The following EYS variants were observed in gnomAD, a reference collection of about 807,000 sequenced individuals.
EYS encodes the protein protein eyes shut homolog.
Under a neutral mutation model 282.1 loss-of-function variants are expected in EYS, and 250 were observed. That is an observed-to-expected ratio of 0.89 (90% CI 0.80 to 0.98). The LOEUF is 0.98. Among genes scored for constraint, EYS ranks in the 50% least tolerant of loss-of-function variants. The probability of loss-of-function intolerance (pLI) is 0.00; values close to 1 mark genes in which losing one functional copy is unlikely to be tolerated. For synonymous variants in EYS, 1,355 were observed against 1,282.9 expected (o/e 1.06, Z -1.20); for missense variants, 4,016 against 3,709.0 (o/e 1.08, Z -2.15).
At chr6:65,546,779 C>T (rs534839637) in intron 2 of EYS, among the ~76,000 whole-genome samples, 79 of 152,114 alleles carry the variant, frequency 5.2e-4, no homozygotes, top group Middle Eastern at 6.8e-3. Flanking sequence ...CCCTGTTGGC[C>T]GGGGCGGTCT....
intron 2 of EYS, among the ~76,000 whole-genome samples, chr6:65,573,306 A>C (rs1764545735): frequency 6.6e-6 from 1 of 152,188 alleles, no homozygotes; most frequent in Non-Finnish European, 1.5e-5. Flanking sequence ...AGATGTCAGT[A>C]CAAGCAAAGA....
chr6:64,749,612 A>C (rs1163222210), intron 22 of EYS, among the ~76,000 whole-genome samples: 3 of 152,228 alleles, frequency 2.0e-5, no homozygotes, highest in African/African-American at 7.2e-5. Context: ...TTCTAAAAAA[A>C]AACATTTTAG....
chr6:64,328,200 T>C (rs1770501617), intron 29 of EYS, among the ~76,000 whole-genome samples: 1 of 152,204 alleles, frequency 6.6e-6, no homozygotes, highest in Admixed American at 6.5e-5. Flanking sequence ...CTGGGCTGAT[T>C]GCAAACAACT....
intron 12 of EYS, among the ~76,000 whole-genome samples, chr6:65,202,968 A>G (rs1562020119): frequency 6.6e-6 from 1 of 152,158 alleles, no homozygotes; most frequent in Non-Finnish European, 1.5e-5. Context: ...CCTGCCTCAG[A>G]GAGCCTGGCT....
At chr6:64,821,215 T>C (rs547307809) in intron 21 of EYS, among the ~76,000 whole-genome samples, 3 of 152,152 alleles carry the variant, frequency 2.0e-5, no homozygotes, top group Admixed American at 6.6e-5. Flanking sequence ...TCTTGATATA[T>C]GCATCCAGTA....
chr6:64,218,744 T>C (rs1353571590), intron 31 of EYS, among the ~76,000 whole-genome samples: 1 of 152,180 alleles, frequency 6.6e-6, no homozygotes, highest in African/African-American at 2.4e-5. Flanking sequence ...TGGGAGAATC[T>C]TGAAAGCAGT....
Position 64,923,561 on chromosome 6 carries a change from G to T in EYS, c.2382-10818C>A, listed in dbSNP as rs958134719. ...AACTCATTTCAGCATTAACTCAAAAGTCCAAATTCTCATCTGAGACAAGGC... is the reference window on the plus strand; with the variant it reads ...AACTCATTTCAGCATTAACTCAAAATTCCAAATTCTCATCTGAGACAAGGC... On this transcript the variant is annotated intron_variant, in intron 15 of 42. Coordinates refer to ENST00000503581, the MANE Select transcript of EYS (RefSeq NM_001142800.2). Among the ~76,000 whole-genome samples the T allele has an allele frequency of 7.9e-5, 12 of 152,182 alleles. No homozygotes were observed. The South Asian group carries it at 8.3e-4, about 11-fold the overall frequency.
chr6:64,964,697 G>A (rs1770036534), intron 14 of EYS, among the ~76,000 whole-genome samples: 1 of 152,072 alleles, frequency 6.6e-6, no homozygotes, highest in African/African-American at 2.4e-5. Context: ...AGTATGGAAA[G>A]TTTCTATTAA....
At chr6:65,504,818 TTTG>T (rs1766596785) in intron 2 of EYS, among the ~76,000 whole-genome samples, 1 of 151,636 alleles carries the variant, frequency 6.6e-6, no homozygotes. Context: ...AGTTTAAATA[TTTG>T]TTGAGAATGT....
intron 12 of EYS, among the ~76,000 whole-genome samples, chr6:65,135,269 C>T (rs1347601264): frequency 2.0e-5 from 3 of 152,018 alleles, no homozygotes; most frequent in Non-Finnish European, 1.5e-5. Context: ...TAGTCAGTTA[C>T]ATTCCCTATG....
chr6:63,742,404 G>A (rs1227905395), intron 41 of EYS, among the ~76,000 whole-genome samples: 2 of 152,102 alleles, frequency 1.3e-5, no homozygotes, highest in African/African-American at 4.8e-5. Context: ...AGGGACATAG[G>A]TCTGACTCTG....
chr6:64,428,599 T>C (rs1055337112), intron 28 of EYS, among the ~76,000 whole-genome samples: 2 of 152,180 alleles, frequency 1.3e-5, no homozygotes, highest in African/African-American at 4.8e-5. Context: ...GATATGCTAA[T>C]CTTTGTTTCC....
intron 39 of EYS, among the ~76,000 whole-genome samples, chr6:63,782,182 G>A (rs1446090892): frequency 6.6e-6 from 1 of 152,190 alleles, no homozygotes; most frequent in Admixed American, 6.5e-5. Flanking sequence ...TTGCATTGAT[G>A]TTTATCAAGG....
chr6:65,230,720 T>G (rs1010414540), intron 12 of EYS, among the ~76,000 whole-genome samples: 1 of 151,674 alleles, frequency 6.6e-6, no homozygotes, highest in Non-Finnish European at 1.5e-5. Flanking sequence ...TTTCTTTGAG[T>G]CATATCTTTT....
At chr6:65,388,898 G>A (rs749189449) in intron 7 of EYS, among the ~76,000 whole-genome samples, 12 of 151,866 alleles carry the variant, frequency 7.9e-5, no homozygotes, top group Non-Finnish European at 1.6e-4. Flanking sequence ...AAAAACTATA[G>A]AGCCAATATA....
intron 33 of EYS, among the ~76,000 whole-genome samples, chr6:64,049,872 G>A (rs1770750256): frequency 6.6e-6 from 1 of 152,092 alleles, no homozygotes; most frequent in South Asian, 2.1e-4. Context: ...GGGTTCATGT[G>A]CAGCAGCCTG....
intron 2 of EYS, among the ~76,000 whole-genome samples, chr6:65,582,153 G>A (rs868724888): frequency 9.2e-5 from 14 of 151,512 alleles, no homozygotes; most frequent in South Asian, 8.3e-4. Context: ...CTGAGATGGC[G>A]CCACTGCACT....
At chr6:63,849,552 A>G (rs570257609) in intron 36 of EYS, among the ~76,000 whole-genome samples, 1 of 152,336 alleles carries the variant, frequency 6.6e-6, no homozygotes, top group African/African-American at 2.4e-5. Flanking sequence ...GTGGACCTCC[A>G]GCAAACCGCA....
In EYS at chr6:64,626,112, A is replaced by T. The variant is rs754049777; in HGVS notation, c.3568+9T>A. The T allele has an allele frequency of 6.7e-7, 1 of 1,503,178 alleles. No homozygotes were observed. The allele number at this position is 1,503,178 out of a possible 1,614,324, so 93.1% of individuals were successfully genotyped here. On this transcript the variant is annotated intron_variant, in intron 23 of 42. Coordinates refer to ENST00000503581, the MANE Select transcript of EYS (RefSeq NM_001142800.2). ...TATGCAGTATGCTTATTATTTTTAA[A>T]ATAATTACCTGGTTGGCATTTGCAA...
Sources: gnomAD v4.1 joint callset for allele counts (sites outside exome capture counted in the v4.1 genomes callset) on GRCh38, gnomAD v4.1.1 for gene constraint, MANE v1.5 for transcripts, NCBI Gene and HGNC (gene_info 2026-07-23, HGNC 2026-07-21) for gene names.